SMOC2: variants seen among roughly 807,000 people sequenced by gnomAD.
SMOC2 encodes the protein SPARC-related modular calcium-binding protein 2.
SMOC2 carries 39 observed loss-of-function variants against 61.4 expected under a neutral mutation model. The ratio of observed to expected loss-of-function variants is 0.64; its 90% CI spans 0.49 to 0.83. The LOEUF is 0.83. Among genes scored for constraint, SMOC2 ranks in the 40% least tolerant of loss-of-function variants. The pLI is 0.00. For missense variants in SMOC2, 556 were observed against 592.9 expected (o/e 0.94, Z 0.65); for synonymous variants, 247 against 239.9 (o/e 1.03, Z -0.27).
chr6:168,477,589 G>A (rs1355090698), intron 1 of SMOC2, among the ~76,000 whole-genome samples: 2 of 152,124 alleles, frequency 1.3e-5, no homozygotes, highest in African/African-American at 2.4e-5. Flanking sequence ...AGTCCTAAAC[G>A]GAAAATGATG....
At chr6:168,635,023 C>G (rs1786676275) in intron 9 of SMOC2, among the ~76,000 whole-genome samples, 1 of 152,224 alleles carries the variant, frequency 6.6e-6, no homozygotes, top group Admixed American at 6.5e-5. Context: ...GCTTAAGTGA[C>G]TCCTGATGCC....
chr6:168,549,015 G>A (rs1481594634), intron 6 of SMOC2, 114 bp from the exon 7 acceptor site: 2 of 754,770 alleles, frequency 2.6e-6, no homozygotes, highest in Admixed American at 1.9e-5. Flanking sequence ...AATGTACAAT[G>A]TGTGTTATGT....
At chr6:168,520,112 G>T in intron 2 of SMOC2, among the ~76,000 whole-genome samples, 1 of 152,176 alleles carries the variant, frequency 6.6e-6, no homozygotes, top group East Asian at 1.9e-4. Flanking sequence ...TGCTGCTTTT[G>T]CTGGCCAAGG....
chr6:168,565,712 C>T (rs55679270), intron 7 of SMOC2, among the ~76,000 whole-genome samples: 36,470 of 152,110 alleles, frequency 0.24, 5,449 homozygotes, highest in East Asian at 0.38. Flanking sequence ...GCTGAAACTG[C>T]CCCTGCTCTG....
intron 1 of SMOC2, among the ~76,000 whole-genome samples, chr6:168,483,864 G>A (rs1331537111): frequency 6.6e-6 from 1 of 152,074 alleles, no homozygotes; most frequent in Non-Finnish European, 1.5e-5. Flanking sequence ...TTCAACAAAT[G>A]GCATGAGAAA....
intron 2 of SMOC2, among the ~76,000 whole-genome samples, chr6:168,518,781 G>T (rs1309354900): frequency 2.0e-5 from 3 of 151,646 alleles, no homozygotes; most frequent in Non-Finnish European, 4.4e-5. Context: ...GTGTGCATGT[G>T]TGAAAGCATG....
chr6:168,603,316 T>TAATACTGGGG (rs1435812536), intron 8 of SMOC2, among the ~76,000 whole-genome samples: 1 of 144,486 alleles, frequency 6.9e-6, no homozygotes, highest in Non-Finnish European at 1.5e-5. Context: ...GAGAACAGAT[T>TAATACTGGGG]AATACTGGGG....
chr6:168,547,155 A>C lies in SMOC2; in HGVS notation c.548A>C (p.Gln183Pro), dbSNP rs2115103813. ...GCTCCAGCGTTGGAGACTCAGCCTC[A>C]AGGAGATGAAGAAGGTGAGCCGGGG... The part of the protein sequence containing the change: ...AAAPALETQP[Q>P]GDEEDIASRY... The change falls in exon 6 of 13, where the codon CAA becomes CCA. Residue 183 changes from glutamine to proline, a missense_variant. Gln to Pro is a moderately conservative substitution (Grantham distance 76). Transcript: ENST00000356284. 6.2e-7 allele frequency: 1 copy of C among 1,614,038 alleles called. No homozygotes were observed. Among genetic ancestry groups the C allele is most frequent in the Middle Eastern group, 1.7e-4 (1 of 6,060 alleles).
At chr6:168,622,531 C>A (rs1220145784) in intron 9 of SMOC2, among the ~76,000 whole-genome samples, 1 of 152,044 alleles carries the variant, frequency 6.6e-6, no homozygotes, top group Non-Finnish European at 1.5e-5. Flanking sequence ...AGAGCCCTGG[C>A]TTTTCTTGCA....
intron 2 of SMOC2, among the ~76,000 whole-genome samples, chr6:168,525,699 A>G (rs547521639): frequency 7.2e-5 from 11 of 152,142 alleles, no homozygotes; most frequent in African/African-American, 2.7e-4. Context: ...TGACCCTTTT[A>G]TCCACCTGAC....
At chr6:168,481,847 C>CA (rs532994580) in intron 1 of SMOC2, among the ~76,000 whole-genome samples, 2 of 151,064 alleles carry the variant, frequency 1.3e-5, no homozygotes, top group Non-Finnish European at 3.0e-5. Context: ...GATTCCATGC[C>CA]AAAAAAATAA....
intron 7 of SMOC2, among the ~76,000 whole-genome samples, chr6:168,595,437 C>G (rs532157761): frequency 7.9e-5 from 12 of 152,206 alleles, no homozygotes; most frequent in African/African-American, 2.9e-4. Flanking sequence ...GGACTTGTCT[C>G]CTGCCAGAGA....
intron 8 of SMOC2, among the ~76,000 whole-genome samples, chr6:168,603,439 G>A (rs1193573092): frequency 6.6e-6 from 1 of 151,994 alleles, no homozygotes; most frequent in Non-Finnish European, 1.5e-5. Context: ...CTGGGAAGCT[G>A]CTGGGACAGT....
At chr6:168,655,459 C>A (rs990856172) in intron 11 of SMOC2, 3 of 455,340 alleles carry the variant, frequency 6.6e-6, no homozygotes, top group African/African-American at 6.0e-5. Flanking sequence ...CAGGAGAAGC[C>A]GGGTCTGACT....
intron 4 of SMOC2, among the ~76,000 whole-genome samples, chr6:168,531,201 G>A (rs1562331402): frequency 6.6e-6 from 1 of 152,158 alleles, no homozygotes; most frequent in Non-Finnish European, 1.5e-5. Flanking sequence ...ATGCGGTGGA[G>A]AGCAGGGGGG....
rs139276615 is a variant in SMOC2, at chr6:168,564,058, T to C, written c.637+14855T>C. Among the ~76,000 whole-genome samples the C allele has an allele frequency of 3.0e-4, 46 of 152,340 alleles. No individual in the cohort carries two copies. The South Asian group carries it at 8.5e-3, about 28-fold the overall frequency. On this transcript the variant is annotated intron_variant, in intron 7 of 12. Transcript: ENST00000356284. ...AGGTAAATTGTTTTATCTTAAAATGTACAGATCACTGTGACACATGGCAAC... is the reference window on the plus strand; with the variant it reads ...AGGTAAATTGTTTTATCTTAAAATGCACAGATCACTGTGACACATGGCAAC...
chr6:168,625,187 G>A (rs867937913), intron 9 of SMOC2, among the ~76,000 whole-genome samples: 2 of 152,248 alleles, frequency 1.3e-5, no homozygotes, highest in Non-Finnish European at 1.5e-5. Flanking sequence ...GGCATGTGGG[G>A]CACGTGGGTC....
At chr6:168,543,712 A>G (rs368155704) in intron 5 of SMOC2, 40 bp downstream of exon 5, 4 of 1,561,170 alleles carry the variant, frequency 2.6e-6, no homozygotes, top group Non-Finnish European at 3.5e-6. Flanking sequence ...GATATGTAAC[A>G]TCTAACTTAT....
intron 11 of SMOC2, among the ~76,000 whole-genome samples, chr6:168,663,076 T>G (rs1166160958): frequency 6.6e-6 from 1 of 152,096 alleles, no homozygotes; most frequent in Non-Finnish European, 1.5e-5. Flanking sequence ...TACAGCTATT[T>G]GTATCCTTGG....
Sources: allele counts gnomAD v4.1 joint callset (sites outside exome capture counted in the v4.1 genomes callset), GRCh38; gene constraint gnomAD v4.1.1; transcripts MANE v1.5; gene names NCBI Gene and HGNC (gene_info 2026-07-23, HGNC 2026-07-21).